Variants in CCDC83 observed in about 807,000 individuals in gnomAD.
CCDC83 encodes coiled-coil domain-containing protein 83.
Under a neutral mutation model 50.1 loss-of-function variants are expected in CCDC83, and 54 were observed. That is an observed-to-expected ratio of 1.08 (90% CI 0.87 to 1.35). The LOEUF is 1.35. Among genes scored for constraint, CCDC83 ranks in the 40% most tolerant of loss-of-function variants. The pLI is 0.00. For missense variants in CCDC83, 518 were observed against 473.9 expected, an observed-to-expected ratio of 1.09 and a Z score of -0.86; for synonymous variants, 161 against 153.3, an observed-to-expected ratio of 1.05 and a Z score of -0.37.
chr11:85,912,631 C>T (rs958491724), intron 8 of CCDC83: 5 of 1,502,698 alleles, frequency 3.3e-6, no homozygotes, highest in South Asian at 1.1e-5. Context: ...TTTTGCCAGC[C>T]CTCCTCTCTG....
intron 1 of CCDC83, among the ~76,000 whole-genome samples, chr11:85,856,370 T>C (rs535377883): frequency 3.0e-4 from 46 of 152,296 alleles, no homozygotes; most frequent in African/African-American, 1.1e-3. Context: ...TTCTCTACCA[T>C]TATTATTGCA....
intron 8 of CCDC83, chr11:85,912,660 T>C: frequency 1.2e-6 from 2 of 1,603,396 alleles, no homozygotes; most frequent in East Asian, 2.2e-5. Flanking sequence ...TATCCAGTGC[T>C]ACATTCCTGT....
At chr11:85,884,067 G>A (rs935039776) in intron 4 of CCDC83, among the ~76,000 whole-genome samples, 1 of 152,180 alleles carries the variant, frequency 6.6e-6, no homozygotes, top group African/African-American at 2.4e-5. Flanking sequence ...GCTCAGCTGT[G>A]CTCGCTAAAC....
Position 85,879,760 on chromosome 11 carries a change from C to A in CCDC83, c.181-2753C>A, listed in dbSNP as rs544426005. On this transcript the variant is annotated intron_variant, in intron 3 of 10. Coordinates refer to ENST00000342404, the MANE Select transcript of CCDC83 (RefSeq NM_001286159.2). The stretch of plus-strand genomic sequence containing the variant: ...TCAGCCTCCTCAGTAGCTGGGATTA[C>A]AAGCAGCTGCCACCATGCCCGGCTA... 9.9e-5 allele frequency among the ~76,000 whole-genome samples: 15 copies of A among 152,234 alleles called. No homozygotes were observed. The East Asian group carries it at 2.9e-3, about 29-fold the overall frequency.
In CCDC83 at chr11:85,898,960, T is replaced by A. The variant is rs1326940415; in HGVS notation, c.617T>A (p.Leu206His). 10 of 1,611,708 alleles carry A rather than the reference T, an allele frequency of 6.2e-6. No individual in the cohort carries two copies. The highest frequency in any genetic ancestry group is 8.5e-6 in the Non-Finnish European group (10 of 1,178,500). Residue 206 changes from leucine to histidine, a missense_variant, in exon 7 of 11, where the codon CTC becomes CAC. Coordinates refer to ENST00000342404, the MANE Select transcript of CCDC83 (RefSeq NM_001286159.2). ...KEWATQNAVK[L>H]IDKGSYLEIW... Reference sequence around the variant, plus strand: ...ACTTTCTTTTAGAATGCTGTAAAGCTCATTGACAAGGGCAGTTATCTAGAG... The same window carrying A: ...ACTTTCTTTTAGAATGCTGTAAAGCACATTGACAAGGGCAGTTATCTAGAG...
intron 8 of CCDC83, 51 bp from the exon 9 acceptor site, chr11:85,915,368 C>T (rs1263311923): frequency 8.1e-7 from 1 of 1,235,272 alleles, no homozygotes; most frequent in Non-Finnish European, 1.2e-6. Context: ...AGTAAGCATG[C>T]AATGCAATAT....
At chr11:85,883,259 A>C (rs890763017) in intron 4 of CCDC83, among the ~76,000 whole-genome samples, 5 of 150,288 alleles carry the variant, frequency 3.3e-5, no homozygotes, top group African/African-American at 1.2e-4. Flanking sequence ...GTTAAACACC[A>C]TTACTCATAG....
At chr11:85,882,308 T>C (rs963790479) in intron 3 of CCDC83, among the ~76,000 whole-genome samples, 1 of 152,172 alleles carries the variant, frequency 6.6e-6, no homozygotes, top group Non-Finnish European at 1.5e-5. Context: ...TTATTTGTAA[T>C]CTTCTGTTTT....
intron 7 of CCDC83, among the ~76,000 whole-genome samples, chr11:85,901,064 A>T (rs12790490): frequency 0.017 from 1,036 of 62,340 alleles, 6 homozygotes; most frequent in Middle Eastern, 0.026. Flanking sequence ...GACCCTGTCT[A>T]AAAAAAAAAA....
intron 5 of CCDC83, among the ~76,000 whole-genome samples, chr11:85,889,025 C>G (rs1159934072): frequency 1.3e-5 from 2 of 152,210 alleles, no homozygotes; most frequent in Non-Finnish European, 2.9e-5. Flanking sequence ...GTGATCTTCT[C>G]ATATAAACTT....
At chr11:85,864,957 T>C (rs1213363422) in intron 1 of CCDC83, 139 bp from the exon 2 acceptor site, 2 of 576,278 alleles carry the variant, frequency 3.5e-6, no homozygotes, top group Non-Finnish European at 6.2e-6. Context: ...ACCATTGTGG[T>C]GAATGTTAGA....
intron 5 of CCDC83, 81 bp downstream of exon 5, chr11:85,886,448 A>C: frequency 1.8e-6 from 2 of 1,135,886 alleles, no homozygotes; most frequent in Non-Finnish European, 2.4e-6. Context: ...AAAAGTGCAT[A>C]CTCCCTGAAT....
chr11:85,871,513 A>ATTATATATGTGACATAT (rs2093237357), intron 2 of CCDC83, among the ~76,000 whole-genome samples: 1 of 152,108 alleles, frequency 6.6e-6, no homozygotes, highest in Admixed American at 6.5e-5. Flanking sequence ...ATGAGTATAC[A>ATTATATATGTGACATAT]ATGTCACAAA....
intron 5 of CCDC83, among the ~76,000 whole-genome samples, chr11:85,890,439 T>A (rs972478528): frequency 1.3e-5 from 2 of 152,064 alleles, no homozygotes; most frequent in African/African-American, 4.8e-5. Context: ...AGGGATTTTG[T>A]ATGTGTGGGA....
chr11:85,884,864 G>A (rs980954767), intron 4 of CCDC83, among the ~76,000 whole-genome samples: 2 of 152,164 alleles, frequency 1.3e-5, no homozygotes, highest in African/African-American at 4.8e-5. Context: ...GCTTATAGTA[G>A]TACTGATAAT....
intron 8 of CCDC83, among the ~76,000 whole-genome samples, chr11:85,911,735 T>TAGAGGAGGTAGAGAGTTAGCAC (rs1480940837): frequency 6.6e-6 from 1 of 152,020 alleles, no homozygotes; most frequent in Non-Finnish European, 1.5e-5. Flanking sequence ...CGGCAGAAGA[T>TAGAGGAGGTAGAGAGTTAGCAC]AGAGGAGGTA....
In CCDC83 at chr11:85,857,256, C is replaced by T. The variant is rs60122211; in HGVS notation, c.-29+1672C>T. On this transcript the variant is annotated intron_variant, in intron 1 of 10. Transcript: ENST00000342404. ...CGCATCACCAGTTGCCTCCATAGGA[C>T]CCATGGAGATGGCCATCCTCATTGA... Among the ~76,000 whole-genome samples, 29 of 152,318 alleles carry T rather than the reference C, an allele frequency of 1.9e-4. No homozygotes were observed. In the East Asian group the frequency reaches 5.4e-3, roughly 28 times the overall value.
intron 2 of CCDC83, among the ~76,000 whole-genome samples, chr11:85,869,955 G>C (rs1348097651): frequency 2.6e-5 from 4 of 152,174 alleles, no homozygotes; most frequent in African/African-American, 9.7e-5. Context: ...AGCTGCCAAA[G>C]CATTTAGGGC....
chr11:85,874,061 T>C (rs766658086), intron 3 of CCDC83, among the ~76,000 whole-genome samples: 6 of 152,232 alleles, frequency 3.9e-5, no homozygotes, highest in Non-Finnish European at 5.9e-5. Flanking sequence ...TTACTGCTGA[T>C]GTCATTTTGG....
Sources: gnomAD v4.1 joint callset for allele counts (sites outside exome capture counted in the v4.1 genomes callset) on GRCh38, gnomAD v4.1.1 for gene constraint, MANE v1.5 for transcripts, NCBI Gene and HGNC (gene_info 2026-07-23, HGNC 2026-07-21) for gene names.